C16orf90: variants seen among roughly 807,000 people sequenced by gnomAD.
C16orf90 encodes uncharacterized protein C16orf90.
A neutral mutation model predicts 17.1 loss-of-function variants in C16orf90; 17 were observed. The ratio of observed to expected loss-of-function variants is 1.00; its 90% CI spans 0.68 to 1.49. The LOEUF is 1.49. Ranked by LOEUF, C16orf90 falls within the 40% of genes most tolerant of loss-of-function variation. The pLI is 0.00. For missense variants in C16orf90, 255 were observed against 235.5 expected (o/e 1.08, Z -0.54); for synonymous variants, 108 against 95.8 (o/e 1.13, Z -0.75).
chr16:3,495,410 C>G lies in C16orf90; in HGVS notation c.12G>C (p.Leu4Phe), dbSNP rs767978018. The change falls in exon 1 of 3, where the codon TTG becomes TTC. Residue 4 changes from leucine (L) to phenylalanine (F), a missense_variant. By Grantham distance (22) the Leu-to-Phe change is conservative. Coordinates refer to ENST00000437192, the MANE Select transcript of C16orf90 (RefSeq NM_001080524.2). Reference protein sequence around the residue: MEALVCAFSELHIR... With the variant: MEAFVCAFSELHIR... The stretch of plus-strand genomic sequence containing the variant: ...TGTGCAGCTCAGAAAATGCACAGAC[C>G]AAGGCTTCCATGGAGGGCCAGTGTG... 1.9e-6 allele frequency: 3 copies of G among 1,610,496 alleles called. No individual in the cohort carries two copies. Among genetic ancestry groups the G allele is most frequent in the South Asian group, 1.1e-5 (1 of 90,114 alleles).
chr16:3,494,859 TG>T lies in C16orf90; in HGVS notation c.64del (p.Gln22LysfsTer239). The T allele has an allele frequency of 6.6e-7, 1 of 1,523,132 alleles. No homozygotes were observed. 94.4% of individuals were successfully genotyped at this position (1,523,132 alleles called of 1,614,324 possible). Reference protein sequence around the residue: ...HIREDAVSQAQGRPGHPDAPP... With the variant: ...HIREDAVSQAXGRPGHPDAPP... ...TGCGTCAGGGTGGCCGGGGCGTCCT[TG>T]GGCCTGGCTCACTGCATCTGCAGAG... On this transcript the variant is annotated frameshift_variant, in exon 2 of 3. Transcript: ENST00000437192. LOFTEE classifies it high-confidence loss of function.
chr16:3,493,905 C>T lies in C16orf90; in HGVS notation c.483G>A (p.Gly161=). Residue 161 remains glycine, a synonymous_variant, in exon 3 of 3, where the codon GGG becomes GGA. Transcript: ENST00000437192. ...PSRLRPKRSW[G]TWEEAMCPLC... is the part of the protein sequence containing the mutation. ...AGGGACACATGGCCTCTTCCCAGGT[C>T]CCCCAGGACCTCTTGGGCCTGAGCC... 6.2e-7 allele frequency: 1 copy of T among 1,608,528 alleles called. No individual in the cohort carries two copies. Among genetic ancestry groups the T allele is most frequent in the Non-Finnish European group, 8.5e-7 (1 of 1,177,584 alleles).
upstream of C16orf90, chr16:3,495,563 G>A: frequency 2.0e-6 from 3 of 1,483,294 alleles, no homozygotes; most frequent in African/African-American, 1.4e-5. Context: ...AGCCTTCCTG[G>A]ACCCCTAGTT....
chr16:3,496,526 C>G, upstream of C16orf90: 1 of 571,542 alleles, frequency 1.7e-6, no homozygotes, highest in Non-Finnish European at 3.4e-6. Flanking sequence ...CCGTGACCAG[C>G]CGGCCCACAG....
In C16orf90 at chr16:3,494,736, C is replaced by G. The variant is rs561707818; in HGVS notation, c.188G>C (p.Arg63Pro). ...KPKNFRLRHL[R>P]GLGLYLESHP... The stretch of plus-strand genomic sequence containing the variant: ...GCTCTCCAGGTAGAGGCCCAGGCCC[C>G]GGAGGTGGCGCAGCCGGAAGTTCTT... Residue 63 changes from arginine (R) to proline (P), a missense_variant, in exon 2 of 3, where the codon CGG becomes CCG. Transcript: ENST00000437192. 3.1e-6 allele frequency: 5 copies of G among 1,604,842 alleles called. No individual in the cohort carries two copies. The highest frequency in any genetic ancestry group is 3.4e-6 in the Non-Finnish European group (4 of 1,176,610).
upstream of C16orf90, chr16:3,496,140 C>CAAAA (rs74546027): frequency 2.9e-6 from 1 of 342,378 alleles, no homozygotes; most frequent in Non-Finnish European, 5.6e-6. Context: ...GACTCCGTCT[C>CAAAA]AAAAAAAAAA....
At chr16:3,496,393 T>C, upstream of C16orf90, 1 of 1,169,762 alleles carries the variant, frequency 8.5e-7, no homozygotes, top group Non-Finnish European at 1.2e-6. Flanking sequence ...CTCTGTCCGT[T>C]TCCCGGATGA....
rs1295920997 is a variant in C16orf90 at position 3,494,490 on chromosome 16, C to T, written c.400+34G>A. Reference sequence around the variant, plus strand: ...CAGCCCAACCATCCCCTAGGGTCTTCCCCCGTGCCCAGTCCTGCCTTGACA... The same window carrying T: ...CAGCCCAACCATCCCCTAGGGTCTTTCCCCGTGCCCAGTCCTGCCTTGACA... On this transcript the variant is annotated intron_variant, in intron 2 of 2. Coordinates refer to ENST00000437192, the MANE Select transcript of C16orf90 (RefSeq NM_001080524.2). The T allele has an allele frequency of 3.2e-6, 5 of 1,578,444 alleles. No individual in the cohort carries two copies. The South Asian group carries it at 3.4e-5, about 11-fold the overall frequency.
chr16:3,494,379 G>A (rs2037273991), intron 2 of C16orf90, 145 bp downstream of exon 2: 3 of 692,618 alleles, frequency 4.3e-6, no homozygotes, highest in South Asian at 3.5e-5. Flanking sequence ...ATGCAGAGAT[G>A]GGGACAGATT....
In C16orf90 at chr16:3,493,677, CCT is replaced by C; in HGVS notation, c.*160_*161del. 1 of 566,964 alleles carries C rather than the reference CCT, an allele frequency of 1.8e-6. No homozygotes were observed. The highest frequency in any genetic ancestry group is 3.0e-6 in the Non-Finnish European group (1 of 328,126). 35.1% of individuals were successfully genotyped at this position (566,964 alleles called of 1,614,324 possible). A position where few individuals can be genotyped will look rare whatever the true frequency, so the allele number is the denominator to read the frequency against. On this transcript the variant is annotated 3_prime_UTR_variant, in exon 3 of 3. Coordinates refer to ENST00000437192, the MANE Select transcript of C16orf90 (RefSeq NM_001080524.2). ...CCTCCCTCGGAACCTCCTCCTCCTC[CCT>C]CTCCCCATCACATTCTCCCGAGGCC...
Position 3,495,270 on chromosome 16 carries a change from C to T in C16orf90, c.46+106G>A, listed in dbSNP as rs927403786. On this transcript the variant is annotated intron_variant, in intron 1 of 2. Transcript: ENST00000437192. ...CTCATGGCCTGGCCCAGTGGCCATTCCCCTCTCCCAAGCATACATGTCCCT... is the reference window on the plus strand; with the variant it reads ...CTCATGGCCTGGCCCAGTGGCCATTTCCCTCTCCCAAGCATACATGTCCCT... The T allele has an allele frequency of 2.3e-5, 31 of 1,341,732 alleles. No homozygotes were observed. In the Middle Eastern group the frequency reaches 1.7e-3, roughly 74 times the overall value. 83.1% of individuals were successfully genotyped at this position (1,341,732 alleles called of 1,614,324 possible).
chr16:3,496,381 A>T (rs879069806), upstream of C16orf90: 18 of 1,183,636 alleles, frequency 1.5e-5, no homozygotes, highest in Non-Finnish European at 2.2e-5. Flanking sequence ...CCAACCGGCC[A>T]CCTCTGTCCG....
rs371165617 is a variant in C16orf90 at position 3,493,804 on chromosome 16, G to T, written c.*35C>A. On this transcript the variant is annotated 3_prime_UTR_variant, in exon 3 of 3. Coordinates refer to ENST00000437192, the MANE Select transcript of C16orf90 (RefSeq NM_001080524.2). ...CTCAGGCTGCCTCCTCGGCCATCCT[G>T]CCCCTCCTGTACCCAGTCCTGGCAC... 2 of 1,560,232 alleles carry T rather than the reference G, an allele frequency of 1.3e-6. No individual in the cohort carries two copies. Among genetic ancestry groups the T allele is most frequent in the Non-Finnish European group, 1.7e-6 (2 of 1,150,906 alleles).
At chr16:3,494,134 C>A in intron 2 of C16orf90, 147 bp from the exon 3 acceptor site, 1 of 697,804 alleles carries the variant, frequency 1.4e-6, no homozygotes, top group Non-Finnish European at 2.4e-6. Context: ...ACAGAATCCC[C>A]AGGGGAGGGA....
Position 3,495,358 on chromosome 16 carries a change from C to T in C16orf90, c.46+18G>A, listed in dbSNP as rs778545783. 6.3e-7 allele frequency: 1 copy of T among 1,599,808 alleles called. No individual in the cohort carries two copies. The highest frequency in any genetic ancestry group is 8.5e-7 in the Non-Finnish European group (1 of 1,172,670). On this transcript the variant is annotated intron_variant, in intron 1 of 2. Transcript: ENST00000437192. ...AAGCCTATCTCTCTTCCTGCCACTC[C>T]TCCCCACAGCCCGGCACCTTCTCTT...
At position 3,494,006 on chromosome 16, in the gene C16orf90, A is replaced by G. The variant is rs1000420994; in HGVS notation, c.401-19T>C. On this transcript the variant is annotated intron_variant, in intron 2 of 2. Transcript: ENST00000437192. ...CTGGAAGCTGAGGAAAGAGGAGAGA[A>G]AGGAGTCACTTGAGGGACCCAAGGG... 1.0e-5 allele frequency: 16 copies of G among 1,597,016 alleles called. No homozygotes were observed. In the Admixed American group the frequency reaches 1.9e-4, roughly 19 times the overall value.
chr16:3,494,232 G>C lies in C16orf90; in HGVS notation c.401-245C>G, dbSNP rs559073237. The stretch of plus-strand genomic sequence containing the variant: ...TTACAAGTGAGAAAACTGAGGCCCA[G>C]CAAGGGAGACAGATTCCAAGGCCCC... On this transcript the variant is annotated intron_variant, in intron 2 of 2. Coordinates refer to ENST00000437192, the MANE Select transcript of C16orf90 (RefSeq NM_001080524.2). Among the ~76,000 whole-genome samples the C allele has an allele frequency of 2.0e-3, 308 of 152,286 alleles. 4 individuals are homozygous for C. Among genetic ancestry groups the C allele is most frequent in the African/African-American group, 6.7e-3 (277 of 41,562 alleles).
In C16orf90 at chr16:3,495,379, C is replaced by T. The variant is rs1026341504; in HGVS notation, c.43G>A (p.Glu15Lys). The stretch of plus-strand genomic sequence containing the variant: ...ACTCCTCCCCACAGCCCGGCACCTT[C>T]TCTTATGTGCAGCTCAGAAAATGCA... ...VCAFSELHIR[E>K]DAVSQAQGRP... is the part of the protein sequence containing the mutation. Residue 15 changes from glutamate (E) to lysine (K), a missense_variant, in exon 1 of 3, where the codon GAA becomes AAA. Physicochemically the swap from Glu to Lys is moderately conservative, Grantham distance 56 (BLOSUM62 1). Coordinates refer to ENST00000437192, the MANE Select transcript of C16orf90 (RefSeq NM_001080524.2). 2 of 1,608,132 alleles carry T rather than the reference C, an allele frequency of 1.2e-6. No individual in the cohort carries two copies. Among genetic ancestry groups the T allele is most frequent in the African/African-American group, 1.3e-5 (1 of 75,002 alleles).
intron 1 of C16orf90, 102 bp downstream of exon 1, chr16:3,495,274 T>G: frequency 7.3e-7 from 1 of 1,375,166 alleles, no homozygotes; most frequent in Non-Finnish European, 1.0e-6. Context: ...GCCATTCCCC[T>G]CTCCCAAGCA....
Sources: allele counts gnomAD v4.1 joint callset (sites outside exome capture counted in the v4.1 genomes callset), GRCh38; gene constraint gnomAD v4.1.1; transcripts MANE v1.5; gene names NCBI Gene and HGNC (gene_info 2026-07-23, HGNC 2026-07-21).